PTPRD: variants seen among roughly 807,000 people sequenced by gnomAD.
PTPRD encodes the protein protein tyrosine phosphatase receptor type D.
PTPRD carries 34 observed loss-of-function variants against 214.5 expected under a neutral mutation model. The ratio of observed to expected loss-of-function variants is 0.16; its 90% confidence interval spans 0.12 to 0.21. The LOEUF (loss-of-function observed/expected upper bound fraction) is 0.21, where lower values mean the gene tolerates loss of function less well. Among genes scored for constraint, PTPRD ranks in the 10% least tolerant of loss-of-function variants. The pLI is 1.00. For missense variants in PTPRD, 2,545 were observed against 2,398.7 expected (o/e 1.06, Z -1.27); for synonymous variants, 1,128 against 845.7 (o/e 1.33, Z -5.79).
At chr9:8,317,985 T>G in intron 45 of PTPRD, 43 bp from the exon 46 acceptor site, 1 of 1,559,200 alleles carries the variant, frequency 6.4e-7, no homozygotes. Flanking sequence ...GAAGGGACCA[T>G]GAGCATATTT....
intron 11 of PTPRD, among the ~76,000 whole-genome samples, chr9:8,841,885 C>G (rs1379962705): frequency 3.3e-5 from 5 of 151,904 alleles, no homozygotes; most frequent in African/African-American, 9.7e-5. Flanking sequence ...GTGGCGGACA[C>G]CGGTAATCCC....
chr9:10,151,531 G>C (rs947812519), intron 3 of PTPRD, among the ~76,000 whole-genome samples: 1 of 151,958 alleles, frequency 6.6e-6, no homozygotes, highest in African/African-American at 2.4e-5. Flanking sequence ...AAAGTGCTGG[G>C]ATTACAGGAG....
At chr9:9,135,256 C>G (rs1003921980) in intron 10 of PTPRD, among the ~76,000 whole-genome samples, 1 of 152,210 alleles carries the variant, frequency 6.6e-6, no homozygotes, top group Admixed American at 6.5e-5. Flanking sequence ...AACAATTCCT[C>G]TGGCACCTAG....
chr9:9,766,096 G>T (rs1448685974), intron 6 of PTPRD, among the ~76,000 whole-genome samples: 1 of 152,118 alleles, frequency 6.6e-6, no homozygotes, highest in Non-Finnish European at 1.5e-5. Context: ...CTGTCCTCAG[G>T]AATCTTAGTT....
At chr9:8,697,938 A>G (rs2097961594) in intron 12 of PTPRD, among the ~76,000 whole-genome samples, 1 of 152,198 alleles carries the variant, frequency 6.6e-6, no homozygotes, top group Admixed American at 6.5e-5. Context: ...TAGTGCAGAA[A>G]CAACTTAATT....
At chr9:10,516,440 C>A (rs1397390826) in intron 2 of PTPRD, among the ~76,000 whole-genome samples, 1 of 151,764 alleles carries the variant, frequency 6.6e-6, no homozygotes, top group Non-Finnish European at 1.5e-5. Flanking sequence ...TGGAAATGAG[C>A]TGTAGGAGTT....
At chr9:9,799,587 A>G (rs1041248617) in intron 5 of PTPRD, 2 of 152,200 alleles carry the variant, frequency 1.3e-5, no homozygotes, top group African/African-American at 4.8e-5. Context: ...TCAATATTCC[A>G]TAAACACTAA....
intron 3 of PTPRD, among the ~76,000 whole-genome samples, chr9:10,121,329 T>C (rs1447279703): frequency 6.6e-6 from 1 of 152,186 alleles, no homozygotes; most frequent in East Asian, 1.9e-4. Context: ...GGCTTTGGGA[T>C]ACATTTCAAT....
intron 14 of PTPRD, among the ~76,000 whole-genome samples, chr9:8,556,370 T>G (rs1268026412): frequency 6.6e-6 from 1 of 152,154 alleles, no homozygotes; most frequent in African/African-American, 2.4e-5. Flanking sequence ...TTTCTAACAG[T>G]CTGTGACTAA....
chr9:9,978,317 T>C (rs952645216), intron 4 of PTPRD, among the ~76,000 whole-genome samples: 1 of 151,964 alleles, frequency 6.6e-6, no homozygotes, highest in African/African-American at 2.4e-5. Flanking sequence ...GTGGAGAACA[T>C]AGATTAAAAG....
intron 43 of PTPRD, among the ~76,000 whole-genome samples, chr9:8,336,359 T>C (rs534244229): frequency 4.6e-4 from 69 of 149,442 alleles, no homozygotes; most frequent in Middle Eastern, 3.4e-3. Context: ...GAAAGGCTCC[T>C]CTATTTAATA....
intron 5 of PTPRD, among the ~76,000 whole-genome samples, chr9:9,823,221 C>A (rs1167572361): frequency 6.6e-6 from 1 of 152,068 alleles, no homozygotes; most frequent in Non-Finnish European, 1.5e-5. Context: ...ATAGGAAGCA[C>A]AGTGCCTCCA....
chr9:10,073,720 G>A (rs538593631), intron 3 of PTPRD, among the ~76,000 whole-genome samples: 2 of 152,034 alleles, frequency 1.3e-5, no homozygotes, highest in South Asian at 2.1e-4. Context: ...TTTCTACATC[G>A]TTGACATGTG....
intron 3 of PTPRD, among the ~76,000 whole-genome samples, chr9:10,301,027 G>C (rs140870042): frequency 6.6e-6 from 1 of 152,070 alleles, no homozygotes; most frequent in Non-Finnish European, 1.5e-5. Flanking sequence ...TCTGGCTGGC[G>C]TCTGGCAATT....
intron 12 of PTPRD, among the ~76,000 whole-genome samples, chr9:8,669,071 G>C (rs2097224995): frequency 6.6e-6 from 1 of 152,080 alleles, no homozygotes; most frequent in Non-Finnish European, 1.5e-5. Flanking sequence ...CTCTCTATGG[G>C]AAAGGGGAGG....
intron 16 of PTPRD, 142 bp downstream of exon 16, chr9:8,527,203 G>T: frequency 1.3e-6 from 1 of 774,288 alleles, no homozygotes; most frequent in Non-Finnish European, 2.1e-6. Context: ...CTGTGGAGGT[G>T]TGTGTGGGAG....
intron 5 of PTPRD, among the ~76,000 whole-genome samples, chr9:9,906,030 G>C (rs1384022948): frequency 6.6e-6 from 1 of 151,932 alleles, no homozygotes; most frequent in Non-Finnish European, 1.5e-5. Context: ...GTACAGCTGA[G>C]AAGCATGTTG....
intron 10 of PTPRD, among the ~76,000 whole-genome samples, chr9:9,035,755 A>AT (rs149344543): frequency 2.8e-4 from 42 of 150,136 alleles, no homozygotes; most frequent in South Asian, 2.1e-3. Context: ...AAAGGGTGTG[A>AT]TTTTTTTTTT....
At chr9:9,208,868 C>T (rs1248349026) in intron 9 of PTPRD, among the ~76,000 whole-genome samples, 3 of 151,312 alleles carry the variant, frequency 2.0e-5, no homozygotes, top group Non-Finnish European at 2.9e-5. Flanking sequence ...AGTACAGTGG[C>T]GCGATCCCGG....
Sources: gnomAD v4.1 joint callset for allele counts (sites outside exome capture counted in the v4.1 genomes callset) on GRCh38, gnomAD v4.1.1 for gene constraint, MANE v1.5 for transcripts, NCBI Gene and HGNC (gene_info 2026-07-23, HGNC 2026-07-21) for gene names.